ATF2: variants seen among roughly 807,000 people sequenced by gnomAD.
The protein encoded by ATF2 is cyclic AMP-dependent transcription factor ATF-2.
In ATF2, 24 loss-of-function variants were observed where a neutral mutation model predicts 60.6. The ratio of observed to expected loss-of-function variants is 0.40; its 90% CI spans 0.29 to 0.56. The LOEUF is 0.56. Ranked by LOEUF, ATF2 falls within the 20% of genes least tolerant of loss-of-function variation. The pLI is 0.54. For missense variants in ATF2, 433 were observed against 607.7 expected, an observed-to-expected ratio of 0.71 and a Z score of 3.02; for synonymous variants, 206 against 215.4, an observed-to-expected ratio of 0.96 and a Z score of 0.38.
chr2:175,115,628 T>C (rs908123735), intron 7 of ATF2, among the ~76,000 whole-genome samples: 4 of 152,160 alleles, frequency 2.6e-5, no homozygotes, highest in African/African-American at 7.2e-5. Context: ...CTGCCACTTA[T>C]CATCAAAATC....
intron 1 of ATF2, among the ~76,000 whole-genome samples, chr2:175,159,262 T>G (rs1197231310): frequency 1.3e-5 from 2 of 151,476 alleles, no homozygotes; most frequent in Non-Finnish European, 2.9e-5. Flanking sequence ...GAGGGTTCAG[T>G]GAGCTGAGAA....
chr2:175,128,123 A>C (rs1253124741), intron 4 of ATF2, among the ~76,000 whole-genome samples: 1 of 152,216 alleles, frequency 6.6e-6, no homozygotes, highest in Non-Finnish European at 1.5e-5. Flanking sequence ...ATTTTCATTA[A>C]AGGAGCCAAA....
chr2:175,114,130 A>G, intron 8 of ATF2, 22 bp from the exon 9 acceptor site: 1 of 1,552,796 alleles, frequency 6.4e-7, no homozygotes, highest in Non-Finnish European at 8.7e-7. Context: ...AAAAGAAGAG[A>G]AATTTTAAAA....
At position 175,074,623 on chromosome 2, in the gene ATF2, G is replaced by A; in HGVS notation, c.1504C>T (p.Pro502Ser). The part of the protein sequence containing the change: ...IVMAPSSQSQ[P>S]SGS ...CAGGTTTTTAATCAACTTCCTGAGG[G>A]CTGTGACTGGGAGGAAGGAGCCATA... is the stretch of plus-strand genomic sequence containing the variant. The change falls in exon 14 of 14, where the codon CCC becomes TCC. Residue 502 changes from proline (P) to serine (S), a missense_variant. Coordinates refer to ENST00000264110, the MANE Select transcript of ATF2 (RefSeq NM_001880.4). The A allele has an allele frequency of 6.2e-7, 1 of 1,612,332 alleles. No individual in the cohort carries two copies. Among genetic ancestry groups the A allele is most frequent in the East Asian group, 2.2e-5 (1 of 44,734 alleles).
intron 8 of ATF2, 113 bp downstream of exon 8, chr2:175,114,577 C>G: frequency 2.0e-6 from 3 of 1,482,524 alleles, no homozygotes; most frequent in Non-Finnish European, 2.7e-6. Context: ...TCGAAGCATG[C>G]ACACACATAC....
chr2:175,102,762 A>C lies in ATF2; in HGVS notation c.829-5169T>G, dbSNP rs373051763. 1.2e-3 allele frequency among the ~76,000 whole-genome samples: 175 copies of C among 145,006 alleles called. No homozygotes were observed. The South Asian group carries it at 0.032, about 26-fold the overall frequency. The stretch of plus-strand genomic sequence containing the variant: ...AAGACCCTGACTCAAAAAAAAGAGG[A>C]AAAAAAAAAAAGGAGGACTTTATAA... On this transcript the variant is annotated intron_variant, in intron 10 of 13. Transcript: ENST00000264110.
chr2:175,081,463 A>C (rs1482438753), intron 12 of ATF2, among the ~76,000 whole-genome samples: 1 of 152,222 alleles, frequency 6.6e-6, no homozygotes, highest in Non-Finnish European at 1.5e-5. Flanking sequence ...AAAAAGTTCC[A>C]AATTGAGCAA....
chr2:175,101,495 C>T (rs1013572372), intron 10 of ATF2, among the ~76,000 whole-genome samples: 2 of 151,978 alleles, frequency 1.3e-5, no homozygotes, highest in Admixed American at 1.3e-4. Context: ...AAATGTGAGG[C>T]TTAGTAAATT....
Position 175,095,311 on chromosome 2 carries a change from C to T in ATF2, c.979-2044G>A, listed in dbSNP as rs115607224. 6.8e-3 allele frequency among the ~76,000 whole-genome samples: 1,036 copies of T among 152,120 alleles called. 11 individuals carry two copies. The highest frequency in any genetic ancestry group is 0.023 in the African/African-American group (975 of 41,526). ...ACGGGGTTTCACCAGGTTGTGGTCT[C>T]GAACTCCTGACCTCAGGTGATCCAC... On this transcript the variant is annotated intron_variant, in intron 11 of 13. Coordinates refer to ENST00000264110, the MANE Select transcript of ATF2 (RefSeq NM_001880.4).
In ATF2 at chr2:175,121,554, T is replaced by G; in HGVS notation, c.103-14A>C. On this transcript the variant is annotated splice_polypyrimidine_tract_variant and intron_variant, in intron 4 of 13. Coordinates refer to ENST00000264110, the MANE Select transcript of ATF2 (RefSeq NM_001880.4). ...GTTGGTAAAACGCTGTGGCAAAAAG[T>G]TTTAAAATATAGTTAAGATTTTCAA... The G allele has an allele frequency of 6.4e-7, 1 of 1,572,430 alleles. No homozygotes were observed. The highest frequency in any genetic ancestry group is 8.7e-7 in the Non-Finnish European group (1 of 1,154,746).
chr2:175,080,840 AAG>A (rs1693711082), intron 12 of ATF2, 75 bp from the exon 13 acceptor site: 2 of 1,245,222 alleles, frequency 1.6e-6, no homozygotes, highest in African/African-American at 3.0e-5. Flanking sequence ...GCAAGGATTA[AAG>A]TATAAAATTG....
intron 1 of ATF2, among the ~76,000 whole-genome samples, chr2:175,166,764 C>CA (rs1700374297): frequency 6.6e-6 from 1 of 152,110 alleles, no homozygotes; most frequent in South Asian, 2.1e-4. Flanking sequence ...TCAAATAGGA[C>CA]AAAAAGTGTG....
chr2:175,080,140 A>G (rs905797369), intron 13 of ATF2: 1 of 152,206 alleles, frequency 6.6e-6, no homozygotes, highest in African/African-American at 2.4e-5. Context: ...TAACATTTTT[A>G]TAAACTAACT....
intron 11 of ATF2, among the ~76,000 whole-genome samples, chr2:175,095,384 C>T (rs1282673061): frequency 6.6e-6 from 1 of 152,126 alleles, no homozygotes; most frequent in East Asian, 1.9e-4. Flanking sequence ...GAGCCACAAC[C>T]TCCTATTTTT....
chr2:175,107,498 A>C (rs1309280537), intron 10 of ATF2, among the ~76,000 whole-genome samples: 1 of 150,732 alleles, frequency 6.6e-6, no homozygotes, highest in Non-Finnish European at 1.5e-5. Context: ...CTGAGCAGAT[A>C]TCCTCATAGA....
chr2:175,118,865 TAAGA>T (rs1696763013), intron 5 of ATF2, among the ~76,000 whole-genome samples: 1 of 151,454 alleles, frequency 6.6e-6, no homozygotes, highest in African/African-American at 2.4e-5. Context: ...AAAAATATTG[TAAGA>T]AAGAAAAAAA....
At chr2:175,082,617 T>C (rs963659654) in intron 12 of ATF2, among the ~76,000 whole-genome samples, 1 of 152,192 alleles carries the variant, frequency 6.6e-6, no homozygotes, top group African/African-American at 2.4e-5. Context: ...AATCTGGTGA[T>C]GGTGAACATA....
chr2:175,097,936 C>A (rs2072538), intron 10 of ATF2, among the ~76,000 whole-genome samples: 1 of 152,054 alleles, frequency 6.6e-6, no homozygotes, highest in South Asian at 2.1e-4. Context: ...TTTGCTGTTG[C>A]AGGTTTGCCA....
intron 3 of ATF2, among the ~76,000 whole-genome samples, chr2:175,131,936 A>AT (rs972265335): frequency 1.3e-5 from 2 of 152,196 alleles, no homozygotes; most frequent in Non-Finnish European, 2.9e-5. Flanking sequence ...GTTAACACAT[A>AT]TTTTTTAAAA....
Sources: allele counts gnomAD v4.1 joint callset (sites outside exome capture counted in the v4.1 genomes callset), GRCh38; gene constraint gnomAD v4.1.1; transcripts MANE v1.5; gene names NCBI Gene and HGNC (gene_info 2026-07-23, HGNC 2026-07-21).